MMP26: variants seen among roughly 807,000 people sequenced by gnomAD.
MMP26 encodes the protein matrix metallopeptidase 26.
In MMP26, 33 loss-of-function variants were observed where a neutral mutation model predicts 31.0. The observed-to-expected ratio is 1.06, with a 90% CI of 0.81 to 1.42. MMP26 has a LOEUF of 1.42. Among genes scored for constraint, MMP26 ranks in the 40% most tolerant of loss-of-function variants. The pLI, the probability that MMP26 is intolerant of heterozygous loss-of-function variation, is 0.00. For missense variants in MMP26, 347 were observed against 316.1 expected, an observed-to-expected ratio of 1.10 and a Z score of -0.74; for synonymous variants, 122 against 114.9, an observed-to-expected ratio of 1.06 and a Z score of -0.40.
At chr11:4,833,181 A>G (rs1305750382) in intron 2 of MMP26, 1 of 152,208 alleles carries the variant, frequency 6.6e-6, no homozygotes, top group Non-Finnish European at 1.5e-5. Flanking sequence ...TTTTTAAATT[A>G]GCATTAATTA....
intron 2 of MMP26, among the ~76,000 whole-genome samples, chr11:4,954,025 G>C (rs1478124038): frequency 7.9e-6 from 1 of 125,904 alleles, no homozygotes; most frequent in Non-Finnish European, 1.8e-5. Flanking sequence ...CTGCACCCCA[G>C]CTTGGGCTAC....
chr11:4,721,147 G>A (rs1293549849), intron 1 of MMP26, among the ~76,000 whole-genome samples: 1 of 152,126 alleles, frequency 6.6e-6, no homozygotes. Context: ...CAAAAGCAGA[G>A]TCTATAGAAT....
At chr11:4,913,226 G>A (rs116265898) in intron 2 of MMP26, 247 of 152,252 alleles carry the variant, frequency 1.6e-3, no homozygotes, top group African/African-American at 5.6e-3. Flanking sequence ...GTGTTCTCAT[G>A]CCAAACAGGA....
chr11:4,955,679 G>A (rs556841818), intron 2 of MMP26: 1 of 1,518,800 alleles, frequency 6.6e-7, no homozygotes, highest in Admixed American at 1.9e-5. Context: ...GAAGAAGGTG[G>A]TGATTTCAAC....
intron 2 of MMP26, among the ~76,000 whole-genome samples, chr11:4,987,743 T>C (rs1281902920): frequency 6.6e-6 from 1 of 152,214 alleles, no homozygotes. Context: ...CATACTCTGA[T>C]CTGGATCTTT....
intron 2 of MMP26, among the ~76,000 whole-genome samples, chr11:4,903,036 C>T (rs1208941795): frequency 2.0e-5 from 3 of 151,884 alleles, no homozygotes; most frequent in South Asian, 2.1e-4. Context: ...ATACTTAAAA[C>T]AGTTATATAT....
chr11:4,723,584 C>T, intron 1 of MMP26: 4 of 1,050,344 alleles, frequency 3.8e-6, no homozygotes, highest in Middle Eastern at 2.6e-4. Flanking sequence ...TTAGCTTCAT[C>T]CACATCCTTC....
Position 4,952,434 on chromosome 11 carries a change from T to C in MMP26, c.-144-35634T>C, listed in dbSNP as rs1241094859. On this transcript the variant is annotated intron_variant, in intron 2 of 7. Coordinates refer to ENST00000380390, the MANE Select transcript of MMP26 (RefSeq NM_021801.5). Reference sequence around the variant, plus strand: ...CATGTCAACTACTGCTTTGTTGTACTACAACCCCAAACCCATATCTGTATT... The same window carrying C: ...CATGTCAACTACTGCTTTGTTGTACCACAACCCCAAACCCATATCTGTATT... Among the ~76,000 whole-genome samples, 3 of 125,448 alleles carry C rather than the reference T, an allele frequency of 2.4e-5. No individual in the cohort carries two copies. In the Admixed American group the frequency reaches 2.7e-4, roughly 11 times the overall value. The allele number at this position is 125,448 out of a possible 152,430, so 82.3% of individuals were successfully genotyped here.
intron 1 of MMP26, among the ~76,000 whole-genome samples, chr11:4,708,955 G>A (rs1349605974): frequency 6.6e-6 from 1 of 151,696 alleles, no homozygotes; most frequent in African/African-American, 2.4e-5. Context: ...CACCCACTGT[G>A]GTCCATTTAG....
At chr11:4,938,842 T>TA (rs557166856) in intron 2 of MMP26, among the ~76,000 whole-genome samples, 2,739 of 151,930 alleles carry the variant, frequency 0.018, 34 homozygotes, top group Middle Eastern at 0.037. Flanking sequence ...TCTTAGGGTT[T>TA]AAAAATAAAA....
chr11:4,985,179 TCAGA>T (rs929868323), intron 2 of MMP26, among the ~76,000 whole-genome samples: 2 of 37,252 alleles, frequency 5.4e-5, no homozygotes, highest in Non-Finnish European at 1.8e-4. Context: ...TAAAACTTAG[TCAGA>T]TATAGATGTA....
intron 1 of MMP26, among the ~76,000 whole-genome samples, chr11:4,738,504 G>C (rs993924286): frequency 3.3e-5 from 5 of 152,090 alleles, no homozygotes; most frequent in African/African-American, 1.2e-4. Context: ...TCCATCTACA[G>C]GGCCTTGTGA....
intron 2 of MMP26, among the ~76,000 whole-genome samples, chr11:4,985,545 C>T (rs1182795471): frequency 6.6e-6 from 1 of 152,126 alleles, no homozygotes; most frequent in Non-Finnish European, 1.5e-5. Context: ...TCTTTTAGAA[C>T]ATTAACTGGG....
At chr11:4,842,548 T>C (rs1337328429) in intron 2 of MMP26, among the ~76,000 whole-genome samples, 1 of 152,144 alleles carries the variant, frequency 6.6e-6, no homozygotes, top group Non-Finnish European at 1.5e-5. Flanking sequence ...AATCATCAGA[T>C]AACATGAGAA....
chr11:4,763,786 T>C (rs1298978565), intron 1 of MMP26, among the ~76,000 whole-genome samples: 1 of 152,206 alleles, frequency 6.6e-6, no homozygotes. Context: ...TTTTTGTAGA[T>C]GATTTTGCAC....
chr11:4,781,791 T>A (rs1377597942), intron 2 of MMP26, among the ~76,000 whole-genome samples: 4 of 152,104 alleles, frequency 2.6e-5, no homozygotes, highest in African/African-American at 9.7e-5. Flanking sequence ...GTGATTGAAT[T>A]ATGGGGGCAG....
intron 2 of MMP26, among the ~76,000 whole-genome samples, chr11:4,857,990 A>G (rs1454973524): frequency 3.3e-5 from 5 of 152,200 alleles, no homozygotes; most frequent in African/African-American, 1.2e-4. Context: ...GATTATCTCA[A>G]TAGATGCAGA....
intron 2 of MMP26, among the ~76,000 whole-genome samples, chr11:4,901,159 T>A: frequency 1.7e-5 from 1 of 60,406 alleles, no homozygotes; most frequent in Non-Finnish European, 3.5e-5. Flanking sequence ...CTTTTTTTTT[T>A]TTTTTTTTTT....
chr11:4,891,689 A>G (rs1236351852), intron 2 of MMP26, among the ~76,000 whole-genome samples: 1 of 152,200 alleles, frequency 6.6e-6, no homozygotes, highest in Non-Finnish European at 1.5e-5. Flanking sequence ...GATAATGATT[A>G]CAATGTCCTT....
Sources: gnomAD v4.1 joint callset for allele counts (sites outside exome capture counted in the v4.1 genomes callset) on GRCh38, gnomAD v4.1.1 for gene constraint, MANE v1.5 for transcripts, NCBI Gene and HGNC (gene_info 2026-07-23, HGNC 2026-07-21) for gene names.